IL7R: variants seen among roughly 807,000 people sequenced by gnomAD.
The protein encoded by IL7R is interleukin-7 receptor subunit alpha.
IL7R carries 38 observed loss-of-function variants against 47.0 expected under a neutral mutation model. The ratio of observed to expected loss-of-function variants is 0.81; its 90% CI spans 0.62 to 1.06. The LOEUF (loss-of-function observed/expected upper bound fraction) is 1.06, where lower values mean the gene tolerates loss of function less well. IL7R is among the 50% of genes least tolerant of loss of function. The probability of loss-of-function intolerance (pLI) is 0.00; values close to 1 mark genes in which losing one functional copy is unlikely to be tolerated. For synonymous variants in IL7R, 221 were observed against 199.8 expected, an observed-to-expected ratio of 1.11 and a Z score of -0.89; for missense variants, 633 against 534.8, an observed-to-expected ratio of 1.18 and a Z score of -1.81.
intron 2 of IL7R, 82 bp downstream of exon 2, chr5:35,861,072 A>C: frequency 7.2e-7 from 1 of 1,388,142 alleles, no homozygotes; most frequent in South Asian, 1.2e-5. Flanking sequence ...CACAAAAGAA[A>C]GAATATGTGG....
At chr5:35,864,054 C>T (rs758928727) in intron 2 of IL7R, among the ~76,000 whole-genome samples, 2 of 152,038 alleles carry the variant, frequency 1.3e-5, no homozygotes, top group Non-Finnish European at 2.9e-5. Flanking sequence ...TCTTCATACC[C>T]CAGGAGCAAT....
At position 35,876,072 on chromosome 5, in the gene IL7R, T is replaced by C. The variant is rs973796994; in HGVS notation, c.966T>C (p.Gly322=). The C allele has an allele frequency of 3.1e-6, 5 of 1,613,854 alleles. No homozygotes were observed. The highest frequency in any genetic ancestry group is 4.2e-6 in the Non-Finnish European group (5 of 1,179,994). ...TTCAAGCTAGAGATGAAGTGGAAGG[T>C]TTTCTGCAAGATACGTTTCCTCAGC... ...DDIQARDEVE[G]FLQDTFPQQL... is the part of the protein sequence containing the mutation. The change falls in exon 8 of 8, where the codon GGT becomes GGC. Residue 322 remains glycine, a synonymous_variant. Coordinates refer to ENST00000303115, the MANE Select transcript of IL7R (RefSeq NM_002185.5).
Position 35,878,761 on chromosome 5 carries a change from C to G in IL7R, c.*2275C>G. 8.6e-6 allele frequency: 2 copies of G among 232,964 alleles called. No individual in the cohort carries two copies. Among genetic ancestry groups the G allele is most frequent in the Middle Eastern group, 2.6e-3 (2 of 784 alleles). The allele number at this position is 232,964 out of a possible 1,614,324, so 14.4% of individuals were successfully genotyped here. On this transcript the variant is annotated 3_prime_UTR_variant, in exon 8 of 8. Coordinates refer to ENST00000303115, the MANE Select transcript of IL7R (RefSeq NM_002185.5). ...CAGGAAGACAGGTAAATTACCCAAC[C>G]TCACACGTTAAGTCAGAACTGGGAG...
Position 35,877,578 on chromosome 5 carries a change from G to A in IL7R, c.*1092G>A. 1 of 233,074 alleles carries A rather than the reference G, an allele frequency of 4.3e-6. No homozygotes were observed. Among genetic ancestry groups the A allele is most frequent in the Non-Finnish European group, 8.5e-6 (1 of 117,970 alleles). The allele number at this position is 233,074 out of a possible 1,614,324, so 14.4% of individuals were successfully genotyped here. A position where few individuals can be genotyped will look rare whatever the true frequency, so the allele number is the denominator to read the frequency against. On this transcript the variant is annotated 3_prime_UTR_variant, in exon 8 of 8. Coordinates refer to ENST00000303115, the MANE Select transcript of IL7R (RefSeq NM_002185.5). The stretch of plus-strand genomic sequence containing the variant: ...GGGTACGTTTGACGAGTGAGAGGAG[G>A]CATGACCCCTCCCATGTGTATAGAC...
chr5:35,874,602 A>C, intron 6 of IL7R, 60 bp downstream of exon 6: 1 of 1,261,610 alleles, frequency 7.9e-7, no homozygotes, highest in Non-Finnish European at 1.2e-6. Flanking sequence ...GTCAGAGCTT[A>C]AGCCCCATTT....
chr5:35,862,895 C>A (rs1580853516), intron 2 of IL7R, among the ~76,000 whole-genome samples: 1 of 151,986 alleles, frequency 6.6e-6, no homozygotes. Flanking sequence ...GAAATGGGAC[C>A]CCGCTCCCAG....
Position 35,860,962 on chromosome 5 carries a change from A to C in IL7R, c.193A>C (p.Asn65His), listed in dbSNP as rs1442477462. ...LTCAFEDPDVNITNLEFEICG... is the reference protein window; with the variant it reads ...LTCAFEDPDVHITNLEFEICG... ...CTGTGCTTTTGAGGACCCAGATGTC[A>C]ACATCACCAATCTGGAATTTGAAAT... The change falls in exon 2 of 8, where the codon AAC (asparagine) becomes CAC (histidine). Residue 65 changes from asparagine (N) to histidine (H), a missense_variant. Transcript: ENST00000303115. 10 of 1,613,522 alleles carry C rather than the reference A, an allele frequency of 6.2e-6. No homozygotes were observed. The Admixed American group carries it at 6.7e-5, about 11-fold the overall frequency.
At chr5:35,870,958 A>C in intron 3 of IL7R, 98 bp from the exon 4 acceptor site, 1 of 1,083,616 alleles carries the variant, frequency 9.2e-7, no homozygotes, top group Non-Finnish European at 1.4e-6. Context: ...ACTGACACAA[A>C]AAGGGTCAAA....
At chr5:35,858,776 T>C (rs151142286) in intron 1 of IL7R, among the ~76,000 whole-genome samples, 1 of 152,326 alleles carries the variant, frequency 6.6e-6, no homozygotes, top group East Asian at 1.9e-4. Flanking sequence ...CCTTACTGTG[T>C]TCTAAGCTAC....
chr5:35,873,530 A>G lies in IL7R; in HGVS notation c.588A>G (p.Gln196=), dbSNP rs867208062. The change falls in exon 5 of 8, where the codon CAA becomes CAG. Residue 196 remains glutamine (Q), a synonymous_variant. Coordinates refer to ENST00000303115, the MANE Select transcript of IL7R (RefSeq NM_002185.5). ...TKLTLLQRKL[Q]PAAMYEIKVR... is the part of the protein sequence containing the mutation. The stretch of plus-strand genomic sequence containing the variant: ...TGACACTCCTGCAGAGAAAGCTCCA[A>G]CCGGCAGCAATGTATGAGATTAAAG... The G allele has an allele frequency of 6.2e-7, 1 of 1,614,004 alleles. No homozygotes were observed. The highest frequency in any genetic ancestry group is 8.5e-7 in the Non-Finnish European group (1 of 1,179,894).
chr5:35,866,338 G>A (rs1048680723), intron 2 of IL7R, among the ~76,000 whole-genome samples: 5 of 152,056 alleles, frequency 3.3e-5, no homozygotes, highest in Non-Finnish European at 4.4e-5. Flanking sequence ...ATACATTTTT[G>A]AGGGATATTT....
chr5:35,860,163 A>C (rs1422764324), intron 1 of IL7R, among the ~76,000 whole-genome samples: 1 of 152,210 alleles, frequency 6.6e-6, no homozygotes, highest in East Asian at 1.9e-4. Context: ...GAACAGAAGC[A>C]GTATGTACAA....
At position 35,867,327 on chromosome 5, in the gene IL7R, G is replaced by A. The variant is rs747417170; in HGVS notation, c.243G>A (p.Lys81=). The change falls in exon 3 of 8, where the codon AAG becomes AAA. Residue 81 remains lysine, a synonymous_variant. Transcript: ENST00000303115. ...FEICGALVEV[K]CLNFRKLQEI... is the part of the protein sequence containing the mutation. ...ACAGTGGGGCCCTCGTGGAGGTAAA[G>A]TGCCTGAATTTCAGGAAACTACAAG... 9 of 1,613,580 alleles carry A rather than the reference G, an allele frequency of 5.6e-6. No homozygotes were observed. The African/African-American group carries it at 1.1e-4, about 19-fold the overall frequency.
chr5:35,869,605 A>G (rs374942390), intron 3 of IL7R, among the ~76,000 whole-genome samples: 104 of 152,326 alleles, frequency 6.8e-4, no homozygotes, highest in African/African-American at 2.3e-3. Context: ...GTTTGAAGAC[A>G]GCATAAGCAA....
At chr5:35,873,164 A>T (rs1760115606) in intron 4 of IL7R, 1 of 366,396 alleles carries the variant, frequency 2.7e-6, no homozygotes, top group Non-Finnish European at 5.2e-6. Flanking sequence ...TCCCCTTAAT[A>T]TGTGAAAGGA....
chr5:35,873,644 C>A lies in IL7R; in HGVS notation c.702C>A (p.Ser234Arg), dbSNP rs201897242. The A allele has an allele frequency of 6.2e-7, 1 of 1,613,668 alleles. No homozygotes were observed. Among genetic ancestry groups the A allele is most frequent in the South Asian group, 1.1e-5 (1 of 91,082 alleles). Residue 234 changes from serine (S) to arginine (R), a missense_variant, in exon 5 of 8, where the codon AGC becomes AGA. Physicochemically the swap from Ser to Arg is moderately radical, Grantham distance 110. Coordinates refer to ENST00000303115, the MANE Select transcript of IL7R (RefSeq NM_002185.5). ...TCAGAACTCCAGAGATCAATAATAGCTCAGGTAAGGAATGGTGGTAGAGTT... is the reference window on the plus strand; with the variant it reads ...TCAGAACTCCAGAGATCAATAATAGATCAGGTAAGGAATGGTGGTAGAGTT... ...YYFRTPEINNSSGEMDPILLT... is the reference protein window; with the variant it reads ...YYFRTPEINNRSGEMDPILLT...
rs1000207637 is a variant in IL7R at position 35,874,490 on chromosome 5, T to G, written c.748T>G (p.Phe250Val). The G allele has an allele frequency of 1.2e-6, 2 of 1,613,738 alleles. No homozygotes were observed. Among genetic ancestry groups the G allele is most frequent in the Non-Finnish European group, 1.7e-6 (2 of 1,179,660 alleles). The change falls in exon 6 of 8, where the codon TTT becomes GTT. Residue 250 changes from phenylalanine to valine, a missense_variant. Transcript: ENST00000303115. ...PILLTISILS[F>V]FSVALLVILA... ...CTTACTAACCATCAGCATTTTGAGTTTTTTCTCTGTCGCTCTGTTGGTCAT... is the reference window on the plus strand; with the variant it reads ...CTTACTAACCATCAGCATTTTGAGTGTTTTCTCTGTCGCTCTGTTGGTCAT...
At chr5:35,861,629 CA>C (rs1759821962) in intron 2 of IL7R, among the ~76,000 whole-genome samples, 1 of 152,130 alleles carries the variant, frequency 6.6e-6, no homozygotes. Context: ...ATGATCCTCT[CA>C]ATGTAAATTT....
intron 3 of IL7R, among the ~76,000 whole-genome samples, chr5:35,870,446 G>A (rs750535994): frequency 6.6e-6 from 1 of 152,198 alleles, no homozygotes; most frequent in Non-Finnish European, 1.5e-5. Flanking sequence ...GAGACGAGGT[G>A]CAAGGTTCAC....
Sources: gnomAD v4.1 joint callset for allele counts (sites outside exome capture counted in the v4.1 genomes callset) on GRCh38, gnomAD v4.1.1 for gene constraint, MANE v1.5 for transcripts, NCBI Gene and HGNC (gene_info 2026-07-23, HGNC 2026-07-21) for gene names.